Variants in PCDH11X observed in about 807,000 individuals in gnomAD.
PCDH11X encodes the protein protocadherin-11 X-linked.
PCDH11X carries 18 observed loss-of-function variants against 53.3 expected under a neutral mutation model. That is an observed-to-expected ratio of 0.34 (90% confidence interval 0.23 to 0.50). PCDH11X has a LOEUF of 0.50. PCDH11X is among the 20% of genes least tolerant of loss of function. The pLI, the probability that PCDH11X is intolerant of heterozygous loss-of-function variation, is 0.98. For synonymous variants in PCDH11X, 279 were observed against 393.3 expected (o/e 0.71, Z 3.44); for missense variants, 570 against 1,032.4 (o/e 0.55, Z 6.14).
chrX:91,931,127 GGTGTGTGTGTGT>G (rs199653186), intron 6 of PCDH11X, among the ~76,000 whole-genome samples: 1 of 98,866 alleles, frequency 1.0e-5, no homozygotes, highest in African/African-American at 3.7e-5. Flanking sequence ...AAGCTTTAGT[GGTGTGTGTGTGT>G]GTGTGTGTGT....
intron 8 of PCDH11X, among the ~76,000 whole-genome samples, chrX:92,351,155 G>C (rs1160464648): frequency 3.6e-5 from 4 of 111,798 alleles, no homozygotes; most frequent in Non-Finnish European, 7.5e-5. Flanking sequence ...TCCCTAATCA[G>C]ATATATCTGT....
intron 8 of PCDH11X, among the ~76,000 whole-genome samples, chrX:92,354,978 G>C (rs1300861109): frequency 1.8e-5 from 2 of 109,780 alleles, no homozygotes; most frequent in Non-Finnish European, 3.8e-5. Flanking sequence ...TAGCAGCATC[G>C]TTGAAATAAA....
intron 10 of PCDH11X, among the ~76,000 whole-genome samples, chrX:92,611,949 G>A (rs1180652563): frequency 1.9e-5 from 2 of 103,031 alleles, no homozygotes; most frequent in Non-Finnish European, 2.0e-5. Flanking sequence ...CAGTCTTCAC[G>A]GTCAATTAAT....
At chrX:92,004,768 C>CTTTTTTT (rs1171124073) in intron 6 of PCDH11X, among the ~76,000 whole-genome samples, 16 of 57,154 alleles carry the variant, frequency 2.8e-4, no homozygotes, top group South Asian at 1.1e-3. Flanking sequence ...CTATGTGTGC[C>CTTTTTTT]TTTTTTTTTT....
intron 10 of PCDH11X, among the ~76,000 whole-genome samples, chrX:92,489,768 T>A (rs2073721064): frequency 9.5e-6 from 1 of 105,499 alleles, no homozygotes; most frequent in Non-Finnish European, 1.9e-5. Context: ...TATATATAAA[T>A]TTTTATATAT....
chrX:92,392,661 G>A (rs1037260669), intron 9 of PCDH11X, among the ~76,000 whole-genome samples: 8 of 110,493 alleles, frequency 7.2e-5, no homozygotes, highest in African/African-American at 2.6e-4. Context: ...TAGACTACTG[G>A]TAAAATTAAA....
At chrX:91,845,330 G>C (rs1450209816) in intron 5 of PCDH11X, among the ~76,000 whole-genome samples, 2 of 109,151 alleles carry the variant, frequency 1.8e-5, no homozygotes, top group Non-Finnish European at 3.8e-5. Context: ...AACAGATCCT[G>C]TGTGTTTCAG....
chrX:92,576,664 TA>T (rs1339712243), intron 10 of PCDH11X, among the ~76,000 whole-genome samples: 2 of 110,841 alleles, frequency 1.8e-5, no homozygotes, highest in Non-Finnish European at 3.8e-5. Context: ...ACTGTTTGCA[TA>T]AACAAAAAAA....
At chrX:91,994,700 C>CA (rs1156765163) in intron 6 of PCDH11X, among the ~76,000 whole-genome samples, 1 of 110,555 alleles carries the variant, frequency 9.0e-6, no homozygotes, top group Non-Finnish European at 1.9e-5. Flanking sequence ...GGTCTATTTT[C>CA]AAGGTGTTGA....
chrX:92,089,497 A>G (rs1218857324), intron 6 of PCDH11X, among the ~76,000 whole-genome samples: 1 of 111,977 alleles, frequency 8.9e-6, no homozygotes, highest in Non-Finnish European at 1.9e-5. Context: ...GAATGGGGCC[A>G]TAACTACCAT....
intron 6 of PCDH11X, chrX:91,883,771 C>T: frequency 1.5e-6 from 1 of 685,672 alleles, no homozygotes; most frequent in Non-Finnish European, 1.7e-6. Flanking sequence ...CGCCACTGCA[C>T]TCCAGCCTGG....
intron 6 of PCDH11X, among the ~76,000 whole-genome samples, chrX:91,917,450 C>T (rs1941602044): frequency 1.1e-5 from 1 of 93,289 alleles, no homozygotes; most frequent in African/African-American, 3.8e-5. Context: ...ATTTTATAAA[C>T]GAATTCAGTA....
intron 8 of PCDH11X, among the ~76,000 whole-genome samples, chrX:92,270,479 G>A (rs2067933022): frequency 9.0e-6 from 1 of 111,638 alleles, no homozygotes; most frequent in South Asian, 3.7e-4. Flanking sequence ...TCCCTTCATT[G>A]GTCACCAATT....
chrX:92,159,204 T>A (rs775721576), intron 6 of PCDH11X, among the ~76,000 whole-genome samples: 12 of 110,918 alleles, frequency 1.1e-4, no homozygotes, highest in Non-Finnish European at 1.3e-4. Context: ...GAAATAAAGT[T>A]TGGAAGTCCT....
intron 10 of PCDH11X, among the ~76,000 whole-genome samples, chrX:92,584,795 T>C (rs2148790647): frequency 1.0e-5 from 1 of 96,945 alleles, no homozygotes; most frequent in Non-Finnish European, 2.0e-5. Context: ...TTTCCTTTTT[T>C]TTTTTTTTTT....
intron 10 of PCDH11X, among the ~76,000 whole-genome samples, chrX:92,570,158 A>G (rs1177857761): frequency 2.7e-5 from 3 of 110,891 alleles, no homozygotes; most frequent in Admixed American, 9.7e-5. Flanking sequence ...TAGTACATCA[A>G]TGAACTTACA....
At chrX:91,953,831 G>C (rs1219462698) in intron 6 of PCDH11X, among the ~76,000 whole-genome samples, 5 of 109,712 alleles carry the variant, frequency 4.6e-5, no homozygotes, top group African/African-American at 1.7e-4. Context: ...TGTAGCTTTG[G>C]TAATATGAGC....
intron 9 of PCDH11X, among the ~76,000 whole-genome samples, chrX:92,419,668 CCTTTTTTTT>C (rs1421403278): frequency 7.0e-4 from 62 of 88,295 alleles, no homozygotes; most frequent in Non-Finnish European, 1.2e-3. Context: ...CTCCCTCCAC[CCTTTTTTTT>C]TTTTTTTTTT....
At chrX:91,940,694 AAT>A (rs1491208476) in intron 6 of PCDH11X, among the ~76,000 whole-genome samples, 7 of 52,111 alleles carry the variant, frequency 1.3e-4, no homozygotes, top group Non-Finnish European at 2.1e-4. Context: ...TGGCTAATAG[AAT>A]TTTTTTTTTT....
Sources: gnomAD v4.1 joint callset for allele counts (sites outside exome capture counted in the v4.1 genomes callset) on GRCh38, gnomAD v4.1.1 for gene constraint, MANE v1.5 for transcripts, NCBI Gene and HGNC (gene_info 2026-07-23, HGNC 2026-07-21) for gene names.